The following FAM81A variants were observed in gnomAD, a reference collection of about 807,000 sequenced individuals.
The protein encoded by FAM81A is family with sequence similarity 81 member A.
FAM81A carries 19 observed loss-of-function variants against 46.7 expected under a neutral mutation model. The ratio of observed to expected loss-of-function variants is 0.41; its 90% CI spans 0.28 to 0.60. The LOEUF (loss-of-function observed/expected upper bound fraction) is 0.60. Ranked by LOEUF, FAM81A falls within the 20% of genes least tolerant of loss-of-function variation. The pLI, the probability that FAM81A is intolerant of heterozygous loss-of-function variation, is 0.34. For synonymous variants in FAM81A, 183 were observed against 152.9 expected (o/e 1.20, Z -1.45); for missense variants, 377 against 453.5 (o/e 0.83, Z 1.53).
intron 4 of FAM81A, among the ~76,000 whole-genome samples, chr15:59,506,555 G>C (rs926812217): frequency 3.9e-5 from 6 of 152,144 alleles, no homozygotes; most frequent in Non-Finnish European, 8.8e-5. Flanking sequence ...CTCAACAGAG[G>C]AATATTGTCT....
chr15:59,448,350 C>T (rs11854967), intron 1 of FAM81A, among the ~76,000 whole-genome samples: 5,738 of 152,162 alleles, frequency 0.038, 132 homozygotes, highest in South Asian at 0.05. Context: ...GCACTCCAGC[C>T]TGGGCCACTG....
upstream of FAM81A, among the ~76,000 whole-genome samples, chr15:59,434,321 C>G (rs1358474412): frequency 1.3e-5 from 2 of 152,196 alleles, no homozygotes; most frequent in Non-Finnish European, 2.9e-5. Context: ...TTAAAAACAT[C>G]CACTGGCCAC....
chr15:59,501,372 C>G (rs558170287), intron 4 of FAM81A, among the ~76,000 whole-genome samples: 18 of 152,210 alleles, frequency 1.2e-4, no homozygotes, highest in African/African-American at 4.3e-4. Context: ...TAGCATATTG[C>G]TATACTATTT....
intron 2 of FAM81A, among the ~76,000 whole-genome samples, chr15:59,421,733 A>G (rs28630941): frequency 0.12 from 14,402 of 117,804 alleles, 1,005 homozygotes; most frequent in African/African-American, 0.2. Context: ...CTGTCTGTCT[A>G]TCTATCTATC....
intron 3 of FAM81A, among the ~76,000 whole-genome samples, chr15:59,469,412 T>C (rs562456484): frequency 3.3e-5 from 5 of 152,346 alleles, no homozygotes; most frequent in African/African-American, 9.6e-5. Context: ...GGTGCATATA[T>C]ATTTAGCATA....
intron 2 of FAM81A, among the ~76,000 whole-genome samples, chr15:59,415,923 C>T (rs563729804): frequency 2.0e-5 from 3 of 152,310 alleles, no homozygotes; most frequent in African/African-American, 7.2e-5. Flanking sequence ...CAGTAGTTTA[C>T]AGAATCTCTG....
intron 2 of FAM81A, among the ~76,000 whole-genome samples, chr15:59,412,797 G>A (rs1246916754): frequency 7.2e-5 from 11 of 151,930 alleles, no homozygotes; most frequent in African/African-American, 2.2e-4. Context: ...GGAGTGGCCC[G>A]AGGGAAACTC....
rs1471755152 is a variant in FAM81A, at chr15:59,460,883, T to A, written c.294+677T>A. Reference sequence around the variant, plus strand: ...TAATGACTGAATATATGAATACTAATAGATATATGGCTAGATTAAGGAAAA... The same window carrying A: ...TAATGACTGAATATATGAATACTAAAAGATATATGGCTAGATTAAGGAAAA... On this transcript the variant is annotated intron_variant, in intron 3 of 8. Coordinates refer to ENST00000288228, the MANE Select transcript of FAM81A (RefSeq NM_152450.3). The surrounding 1 kb of genome is among the most constrained non-coding windows in gnomAD (Gnocchi z 4.4). 6.6e-6 allele frequency among the ~76,000 whole-genome samples: 1 copy of A among 152,220 alleles called. No individual in the cohort carries two copies. The highest frequency in any genetic ancestry group is 1.5e-5 in the Non-Finnish European group (1 of 68,040).
At chr15:59,452,296 G>C (rs1211353390) in intron 1 of FAM81A, among the ~76,000 whole-genome samples, 1 of 152,204 alleles carries the variant, frequency 6.6e-6, no homozygotes, top group African/African-American at 2.4e-5. Context: ...CCATCATTAA[G>C]GGGCTGGCTA....
chr15:59,434,663 G>A (rs2081235228), upstream of FAM81A, among the ~76,000 whole-genome samples: 1 of 152,162 alleles, frequency 6.6e-6, no homozygotes, highest in South Asian at 2.1e-4. Context: ...ACATATGACT[G>A]TTCCTTGTGG....
At chr15:59,405,812 C>T (rs558094915) in intron 2 of FAM81A, among the ~76,000 whole-genome samples, 70 of 152,172 alleles carry the variant, frequency 4.6e-4, no homozygotes, top group Non-Finnish European at 8.1e-4. Flanking sequence ...TCTCATTTTG[C>T]TCCCAATAGT....
chr15:59,521,437 C>G lies in FAM81A; in HGVS notation c.*59C>G. ...TGCCAGTGGGGCTAGGAGCCGGATACCTCTGTAGCCAGGCCATCGCTGCAT... is the reference window on the plus strand; with the variant it reads ...TGCCAGTGGGGCTAGGAGCCGGATAGCTCTGTAGCCAGGCCATCGCTGCAT... On this transcript the variant is annotated 3_prime_UTR_variant, in exon 9 of 9. Transcript: ENST00000288228. 1 of 1,523,048 alleles carries G rather than the reference C, an allele frequency of 6.6e-7. No homozygotes were observed. The highest frequency in any genetic ancestry group is 8.8e-7 in the Non-Finnish European group (1 of 1,132,812). The allele number at this position is 1,523,048 out of a possible 1,614,324, so 94.3% of individuals were successfully genotyped here. A position where few individuals can be genotyped will look rare whatever the true frequency, so the allele number is the denominator to read the frequency against.
Position 59,521,491 on chromosome 15 carries a change from G to A in FAM81A, c.*113G>A. On this transcript the variant is annotated 3_prime_UTR_variant, in exon 9 of 9. Transcript: ENST00000288228. ...GGATTGTTCCATCCATGGCGTGCAT[G>A]TGCCAAGAAATGTGTTTTTATGGGT... The A allele has an allele frequency of 1.5e-6, 2 of 1,294,284 alleles. No homozygotes were observed. The highest frequency in any genetic ancestry group is 1.0e-6 in the Non-Finnish European group (1 of 978,174). 80.2% of individuals were successfully genotyped at this position (1,294,284 alleles called of 1,614,324 possible).
chr15:59,483,032 C>T (rs2081873497), intron 3 of FAM81A, among the ~76,000 whole-genome samples: 1 of 151,890 alleles, frequency 6.6e-6, no homozygotes, highest in African/African-American at 2.4e-5. Flanking sequence ...ATTCTAAATT[C>T]TTTCTGGTGA....
At chr15:59,404,904 T>C (rs2081087492) in intron 2 of FAM81A, among the ~76,000 whole-genome samples, 1 of 152,188 alleles carries the variant, frequency 6.6e-6, no homozygotes, top group African/African-American at 2.4e-5. Flanking sequence ...GCCCTAACCA[T>C]CACCCTGAAA....
In FAM81A at chr15:59,504,938, A is replaced by T. The variant is rs1006512764; in HGVS notation, c.414-2275A>T. Among the ~76,000 whole-genome samples, 3 of 151,954 alleles carry T rather than the reference A, an allele frequency of 2.0e-5. No individual in the cohort carries two copies. In the East Asian group the frequency reaches 5.8e-4, roughly 29 times the overall value. ...ATTTCCCCATGCTTTATGTATTTTTACTTATCCCAGTTTGTAGTCATTGAA... is the reference window on the plus strand; with the variant it reads ...ATTTCCCCATGCTTTATGTATTTTTTCTTATCCCAGTTTGTAGTCATTGAA... On this transcript the variant is annotated intron_variant, in intron 4 of 8. Transcript: ENST00000288228.
At chr15:59,456,575 GT>G (rs1457199741) in intron 1 of FAM81A, among the ~76,000 whole-genome samples, 3 of 151,940 alleles carry the variant, frequency 2.0e-5, no homozygotes, top group Admixed American at 6.6e-5. Context: ...TTAACCCATT[GT>G]TTTTGTTTGT....
chr15:59,479,117 G>C (rs970687687), intron 3 of FAM81A, among the ~76,000 whole-genome samples: 1 of 152,216 alleles, frequency 6.6e-6, no homozygotes. Context: ...ACACTTTAGT[G>C]GGGTGTACAG....
At chr15:59,465,195 A>T (rs2081597814) in intron 3 of FAM81A, among the ~76,000 whole-genome samples, 1 of 152,088 alleles carries the variant, frequency 6.6e-6, no homozygotes, top group Non-Finnish European at 1.5e-5. Context: ...TGCCAGTACC[A>T]TGCTGTTTTG....
Sources: allele counts gnomAD v4.1 joint callset (sites outside exome capture counted in the v4.1 genomes callset), GRCh38; gene constraint gnomAD v4.1.1; non-coding constraint Gnocchi (gnomAD v3.1); transcripts MANE v1.5; gene names NCBI Gene and HGNC (gene_info 2026-07-23, HGNC 2026-07-21).